Variants in ATP8A2 observed in about 807,000 individuals in gnomAD.
ATP8A2 encodes the protein phospholipid-transporting ATPase IB.
A neutral mutation model predicts 165.6 loss-of-function variants in ATP8A2; 100 were observed. That is an observed-to-expected ratio of 0.60 (90% CI 0.51 to 0.71). The LOEUF (loss-of-function observed/expected upper bound fraction) is 0.71, where lower values mean the gene tolerates loss of function less well. Among genes scored for constraint, ATP8A2 ranks in the 30% least tolerant of loss-of-function variants. ATP8A2 has a pLI of 0.00. For synonymous variants in ATP8A2, 543 were observed against 548.8 expected (o/e 0.99, Z 0.15); for missense variants, 1,227 against 1,479.5 (o/e 0.83, Z 2.80).
chr13:25,656,647 A>G (rs1172978642), intron 24 of ATP8A2, among the ~76,000 whole-genome samples: 2 of 151,028 alleles, frequency 1.3e-5, no homozygotes, highest in East Asian at 3.9e-4. Flanking sequence ...TTATTAACAT[A>G]CATTTTCTGG....
chr13:25,716,145 C>T (rs2043250024), intron 25 of ATP8A2, among the ~76,000 whole-genome samples: 1 of 152,180 alleles, frequency 6.6e-6, no homozygotes, highest in Admixed American at 6.5e-5. Context: ...AATATCTGTT[C>T]AAATCCTTTG....
At chr13:25,455,683 A>T (rs1763133765) in intron 1 of ATP8A2, among the ~76,000 whole-genome samples, 1 of 152,208 alleles carries the variant, frequency 6.6e-6, no homozygotes, top group African/African-American at 2.4e-5. Flanking sequence ...CCTGCCAAGC[A>T]GTCACCTGCC....
At chr13:25,592,538 T>C (rs1057461063) in intron 24 of ATP8A2, among the ~76,000 whole-genome samples, 1 of 152,072 alleles carries the variant, frequency 6.6e-6, no homozygotes, top group Non-Finnish European at 1.5e-5. Flanking sequence ...GAGAGCAGAG[T>C]GCTCCTGCAG....
intron 1 of ATP8A2, among the ~76,000 whole-genome samples, chr13:25,413,278 G>GTTTTTTTTTTTTTTTTTTTTTTCTTTT (rs1195456593): frequency 9.5e-6 from 1 of 105,262 alleles, no homozygotes; most frequent in Non-Finnish European, 1.9e-5. Context: ...CTTTTTCTTT[G>GTTTTTTTTTTTTTTTTTTTTTTCTTTT]TTTTTTTTTT....
chr13:25,849,667 G>A (rs945881262), intron 30 of ATP8A2, among the ~76,000 whole-genome samples: 3 of 152,140 alleles, frequency 2.0e-5, no homozygotes, highest in Admixed American at 2.0e-4. Context: ...ACAGTAGGCT[G>A]GTTTAGTGAC....
intron 25 of ATP8A2, among the ~76,000 whole-genome samples, chr13:25,748,583 A>C (rs1280361016): frequency 6.6e-6 from 1 of 152,234 alleles, no homozygotes; most frequent in Admixed American, 6.5e-5. Flanking sequence ...TGTTTAGTGC[A>C]GAACGCGGTT....
At chr13:25,568,292 C>T (rs760124800) in intron 16 of ATP8A2, among the ~76,000 whole-genome samples, 5 of 152,164 alleles carry the variant, frequency 3.3e-5, no homozygotes, top group Non-Finnish European at 5.9e-5. Context: ...GAAGATATAA[C>T]TTTCTTTTGA....
chr13:25,547,988 C>G (rs192618899), intron 10 of ATP8A2, among the ~76,000 whole-genome samples: 1 of 152,006 alleles, frequency 6.6e-6, no homozygotes, highest in South Asian at 2.1e-4. Context: ...CATTGGGAGG[C>G]GGAGGTGGGC....
rs566723945 is a variant in ATP8A2, at chr13:25,892,434, T to C, written c.3183+30026T>C. Among the ~76,000 whole-genome samples, 4 of 143,234 alleles carry C rather than the reference T, an allele frequency of 2.8e-5. No homozygotes were observed. The East Asian group carries it at 7.8e-4, about 28-fold the overall frequency. The allele number at this position is 143,234 out of a possible 152,430, so 94.0% of individuals were successfully genotyped here. ...CTGTGAAAAATAAGTTAAAAGGCAATGGAAACAACAAATGGAAACATTTCT... is the reference window on the plus strand; with the variant it reads ...CTGTGAAAAATAAGTTAAAAGGCAACGGAAACAACAAATGGAAACATTTCT... On this transcript the variant is annotated intron_variant, in intron 33 of 36. Transcript: ENST00000381655.
chr13:25,746,755 T>G (rs2044040871), intron 25 of ATP8A2, among the ~76,000 whole-genome samples: 1 of 152,158 alleles, frequency 6.6e-6, no homozygotes, highest in South Asian at 2.1e-4. Flanking sequence ...AGCTGAAGTG[T>G]TTAGAGAAAA....
chr13:25,412,281 G>GGTAT, intron 1 of ATP8A2, among the ~76,000 whole-genome samples: 1 of 151,822 alleles, frequency 6.6e-6, no homozygotes, highest in Middle Eastern at 3.4e-3. Context: ...AATGATTCCT[G>GGTAT]CAGGATACCT....
chr13:25,962,365 A>G (rs1955678222), intron 34 of ATP8A2, among the ~76,000 whole-genome samples: 1 of 152,222 alleles, frequency 6.6e-6, no homozygotes, highest in Non-Finnish European at 1.5e-5. Flanking sequence ...GGATTAGTTC[A>G]CAGGTCTGTG....
chr13:25,621,538 T>C (rs2040968825), intron 24 of ATP8A2, among the ~76,000 whole-genome samples: 1 of 152,206 alleles, frequency 6.6e-6, no homozygotes. Flanking sequence ...CAGACTGAAA[T>C]CCGTCCTGCC....
intron 24 of ATP8A2, among the ~76,000 whole-genome samples, chr13:25,638,090 A>G (rs2041418410): frequency 6.6e-6 from 1 of 152,196 alleles, no homozygotes; most frequent in African/African-American, 2.4e-5. Flanking sequence ...GGACATCCAC[A>G]CCAAAACCCC....
intron 35 of ATP8A2, among the ~76,000 whole-genome samples, chr13:25,983,315 C>T (rs1426851058): frequency 1.3e-5 from 2 of 152,166 alleles, no homozygotes; most frequent in African/African-American, 2.4e-5. Context: ...AGTGAAAAAT[C>T]AGATAATAGA....
intron 35 of ATP8A2, among the ~76,000 whole-genome samples, chr13:25,986,728 C>G (rs1956286783): frequency 6.6e-6 from 1 of 152,130 alleles, no homozygotes; most frequent in Admixed American, 6.6e-5. Flanking sequence ...ATACCCGGGA[C>G]TAGGATTGCT....
chr13:25,509,077 GA>G (rs1157412062), intron 2 of ATP8A2, among the ~76,000 whole-genome samples: 1 of 152,200 alleles, frequency 6.6e-6, no homozygotes, highest in Non-Finnish European at 1.5e-5. Flanking sequence ...ATAAGGACCA[GA>G]AATATTCTTC....
Position 25,629,708 on chromosome 13 carries a change from C to A in ATP8A2, c.2211+40009C>A, listed in dbSNP as rs2041190263. On this transcript the variant is annotated intron_variant, in intron 24 of 36. Coordinates refer to ENST00000381655, the MANE Select transcript of ATP8A2 (RefSeq NM_016529.6). ...ATTCTTTCTCTTTGCTCTGTGGTCA[C>A]CCGCCCCCTTCCACCCTCTGCCTTT... Among the ~76,000 whole-genome samples, 3 of 152,072 alleles carry A rather than the reference C, an allele frequency of 2.0e-5. No homozygotes were observed. In the South Asian group the frequency reaches 6.2e-4, roughly 32 times the overall value.
intron 2 of ATP8A2, among the ~76,000 whole-genome samples, chr13:25,504,193 A>G (rs936829357): frequency 1.3e-5 from 2 of 152,198 alleles, no homozygotes; most frequent in Non-Finnish European, 2.9e-5. Flanking sequence ...TGCATTGAAT[A>G]CCGTCAGTAT....
Sources: allele counts gnomAD v4.1 joint callset (sites outside exome capture counted in the v4.1 genomes callset), GRCh38; gene constraint gnomAD v4.1.1; transcripts MANE v1.5; gene names NCBI Gene and HGNC (gene_info 2026-07-23, HGNC 2026-07-21).